The following THTPA variants were observed in gnomAD, a reference collection of about 807,000 sequenced individuals.
The protein encoded by THTPA is thiamine-triphosphatase.
Under a neutral mutation model 16.5 loss-of-function variants are expected in THTPA, and 16 were observed. The observed-to-expected ratio is 0.97, with a 90% CI of 0.66 to 1.47. The LOEUF (loss-of-function observed/expected upper bound fraction) is 1.47. Among genes scored for constraint, THTPA ranks in the 40% most tolerant of loss-of-function variants. The pLI, the probability that THTPA is intolerant of heterozygous loss-of-function variation, is 0.00. For missense variants in THTPA, 281 were observed against 280.9 expected, an observed-to-expected ratio of 1.00 and a Z score of 0.00; for synonymous variants, 110 against 115.5, an observed-to-expected ratio of 0.95 and a Z score of 0.30.
chr14:23,560,020 A>T lies in THTPA; in HGVS notation c.*1180A>T. On this transcript the variant is annotated 3_prime_UTR_variant, in exon 2 of 2. Transcript: ENST00000288014. ...AACTGTGTTCCCACTGGGGGCCTGC[A>T]GCTGCAGCTGGAGACTCTGAACACA... The T allele has an allele frequency of 6.2e-7, 1 of 1,608,396 alleles. No individual in the cohort carries two copies. Among genetic ancestry groups the T allele is most frequent in the Non-Finnish European group, 8.5e-7 (1 of 1,176,354 alleles).
At chr14:23,528,724 A>G in the THTPA span, 1 of 985,344 alleles carries the variant, frequency 1.0e-6, no homozygotes, top group Non-Finnish European at 1.2e-6. Flanking sequence ...CCTAATGTGA[A>G]TAAACACCAC....
the THTPA span, chr14:23,522,182 C>T: frequency 2.0e-6 from 3 of 1,493,164 alleles, no homozygotes; most frequent in Non-Finnish European, 2.7e-6. Flanking sequence ...CAGCACCTCA[C>T]ATGCCAGGCA....
At chr14:23,549,456 T>C in the THTPA span, among the ~76,000 whole-genome samples, 1 of 152,188 alleles carries the variant, frequency 6.6e-6, no homozygotes, top group Non-Finnish European at 1.5e-5. Flanking sequence ...CTCCAGATCC[T>C]TTATCCACCC....
chr14:23,558,656 C>T, intron 1 of THTPA, 39 bp from the exon 2 acceptor site: 1 of 1,612,918 alleles, frequency 6.2e-7, no homozygotes, highest in Non-Finnish European at 8.5e-7. Context: ...GTGCTTGTGG[C>T]TCTGTCCATT....
chr14:23,521,141 G>C, the THTPA span: 2 of 152,330 alleles, frequency 1.3e-5, no homozygotes, highest in Non-Finnish European at 2.9e-5. Context: ...AAGCCTTTGA[G>C]AATAAGTTAC....
At chr14:23,528,110 C>T in the THTPA span, among the ~76,000 whole-genome samples, 2 of 152,046 alleles carry the variant, frequency 1.3e-5, no homozygotes, top group Non-Finnish European at 2.9e-5. Flanking sequence ...GGTTTTGCCA[C>T]ATTGGCCAGG....
chr14:23,557,205 G>A lies in THTPA; in HGVS notation c.448G>A (p.Asp150Asn), dbSNP rs1882492209. 1 of 1,613,998 alleles carries A rather than the reference G, an allele frequency of 6.2e-7. No individual in the cohort carries two copies. The highest frequency in any genetic ancestry group is 8.5e-7 in the Non-Finnish European group (1 of 1,180,000). Residue 150 changes from aspartate to asparagine, a missense_variant, in exon 1 of 2, where the codon GAC becomes AAC. Transcript: ENST00000288014. ...GCTCAGGGTGGACTTGGATACAGCC[G>A]ACTTTGGCTACGCTGTGGGTGAGGT... is the stretch of plus-strand genomic sequence containing the variant. The part of the protein sequence containing the change: ...PQLRVDLDTA[D>N]FGYAVGEVEA...
chr14:23,535,600 AT>A, the THTPA span, among the ~76,000 whole-genome samples: 4 of 151,174 alleles, frequency 2.6e-5, no homozygotes, highest in South Asian at 4.2e-4. The surrounding 1 kb of genome is among the most constrained non-coding windows in gnomAD (Gnocchi z 4.5). Flanking sequence ...TAATTAATTA[AT>A]TTTTTTTTGA....
At chr14:23,531,402 T>C in the THTPA span, 1 of 1,334,374 alleles carries the variant, frequency 7.5e-7, no homozygotes, top group South Asian at 2.1e-5. Flanking sequence ...CTTGTATCTC[T>C]AACTCCGCAG....
chr14:23,543,913 T>C, the THTPA span: 2 of 151,978 alleles, frequency 1.3e-5, no homozygotes. Context: ...TTTCTTAATA[T>C]GTAAATGACC....
At chr14:23,521,740 C>G in the THTPA span, 15 of 743,282 alleles carry the variant, frequency 2.0e-5, no homozygotes, top group Admixed American at 3.0e-4. Flanking sequence ...CTGCAAGGAG[C>G]TGAGGAGGAG....
chr14:23,514,658 C>A, the THTPA span: 1 of 152,272 alleles, frequency 6.6e-6, no homozygotes, highest in African/African-American at 2.4e-5. Flanking sequence ...TGGATGCTGC[C>A]ACGTTTGGCA....
At chr14:23,527,808 G>T in the THTPA span, 3 of 1,535,612 alleles carry the variant, frequency 2.0e-6, no homozygotes, top group Admixed American at 3.9e-5. Flanking sequence ...AGTATACCTG[G>T]AGGGAACATA....
rs891438453 is a variant in THTPA, at chr14:23,557,098, G to C, written c.341G>C (p.Gly114Ala). The C allele has an allele frequency of 1.2e-6, 2 of 1,614,196 alleles. No homozygotes were observed. The highest frequency in any genetic ancestry group is 8.5e-7 in the Non-Finnish European group (1 of 1,180,052). ...GDVAAVLGPL[G>A]LQEVASFVTK... The stretch of plus-strand genomic sequence containing the variant: ...GTGGCTGCTGTGCTGGGCCCACTGG[G>C]GCTGCAGGAAGTAGCTAGTTTTGTG... Residue 114 changes from glycine (G) to alanine (A), a missense_variant, in exon 1 of 2, where the codon GGG becomes GCG. Coordinates refer to ENST00000288014, the MANE Select transcript of THTPA (RefSeq NM_024328.6).
the THTPA span, among the ~76,000 whole-genome samples, chr14:23,539,048 C>T: frequency 2.6e-5 from 4 of 152,108 alleles, no homozygotes; most frequent in Non-Finnish European, 5.9e-5. Context: ...TAGTCATCCC[C>T]TGAGATGAAT....
the THTPA span, chr14:23,538,196 C>T: frequency 1.3e-5 from 2 of 152,188 alleles, no homozygotes; most frequent in African/African-American, 4.8e-5. Flanking sequence ...TCTGATCGGC[C>T]GAGGGTAGGT....
the THTPA span, chr14:23,533,184 G>T: frequency 7.0e-7 from 1 of 1,436,586 alleles, no homozygotes; most frequent in East Asian, 2.5e-5. This position sits in a 1 kb window ranked among gnomAD's most constrained non-coding sequence, Gnocchi z 4.8. Flanking sequence ...TGCTCAGAGG[G>T]ACTTATGGTT....
chr14:23,557,376 T>C, intron 1 of THTPA, 72 bp downstream of exon 1: 2 of 1,436,518 alleles, frequency 1.4e-6, no homozygotes, highest in Admixed American at 2.7e-5. Flanking sequence ...TGCTGGACCA[T>C]GCAGTGGGGG....
At position 23,558,788 on chromosome 14, in the gene THTPA, G is replaced by A. The variant is rs945062007; in HGVS notation, c.641G>A (p.Ser214Asn). ...QDYQRLLEVN[S>N]SRERPQETED... ...TATCAGCGCCTGCTAGAAGTGAACAGCTCCAGAGAGAGGCCACAGGAGACT... is the reference window on the plus strand; with the variant it reads ...TATCAGCGCCTGCTAGAAGTGAACAACTCCAGAGAGAGGCCACAGGAGACT... The change falls in exon 2 of 2, where the codon AGC (serine) becomes AAC (asparagine). Residue 214 changes from serine to asparagine, a missense_variant. By Grantham distance (46) the Ser-to-Asn change is conservative. Transcript: ENST00000288014. 9 of 1,614,096 alleles carry A rather than the reference G, an allele frequency of 5.6e-6. No individual in the cohort carries two copies. Among genetic ancestry groups the A allele is most frequent in the Admixed American group, 1.7e-5 (1 of 60,008 alleles).
Sources: gnomAD v4.1 joint callset for allele counts (sites outside exome capture counted in the v4.1 genomes callset) on GRCh38, gnomAD v4.1.1 for gene constraint, Gnocchi (gnomAD v3.1) non-coding constraint, MANE v1.5 for transcripts, NCBI Gene and HGNC (gene_info 2026-07-23, HGNC 2026-07-21) for gene names.